The following MET variants were observed in gnomAD, a reference collection of about 807,000 sequenced individuals.
The protein encoded by MET is hepatocyte growth factor receptor.
A neutral mutation model predicts 133.1 loss-of-function variants in MET; 48 were observed. The observed-to-expected ratio is 0.36, with a 90% confidence interval of 0.29 to 0.46. The LOEUF is 0.46. Ranked by LOEUF, MET falls within the 20% of genes least tolerant of loss-of-function variation. The pLI, the probability that MET is intolerant of heterozygous loss-of-function variation, is 1.00. For missense variants in MET, 1,442 were observed against 1,695.9 expected (o/e 0.85, Z 2.63); for synonymous variants, 628 against 616.5 (o/e 1.02, Z -0.28).
At chr7:116,692,677 T>C (rs1040926195) in intron 1 of MET, among the ~76,000 whole-genome samples, 1 of 152,212 alleles carries the variant, frequency 6.6e-6, no homozygotes, top group Admixed American at 6.5e-5. Flanking sequence ...CCATCTTCTT[T>C]AAAGGAAGTA....
chr7:116,696,052 A>G (rs562168351), intron 1 of MET, among the ~76,000 whole-genome samples: 1 of 151,972 alleles, frequency 6.6e-6, no homozygotes, highest in Non-Finnish European at 1.5e-5. Context: ...TTTTTGTAGT[A>G]GAGATGGGGG....
chr7:116,697,671 C>T (rs539893711), intron 1 of MET, among the ~76,000 whole-genome samples: 2 of 152,298 alleles, frequency 1.3e-5, no homozygotes, highest in Non-Finnish European at 2.9e-5. Flanking sequence ...AGGCTCTGTA[C>T]TAGGTACTTG....
At chr7:116,754,854 A>T (rs1422885739) in intron 5 of MET, among the ~76,000 whole-genome samples, 1 of 148,638 alleles carries the variant, frequency 6.7e-6, no homozygotes, top group Admixed American at 6.8e-5. Flanking sequence ...AAAGGAAGGG[A>T]GGGAAAGAAA....
intron 5 of MET, among the ~76,000 whole-genome samples, chr7:116,749,965 A>G (rs1364107048): frequency 6.6e-6 from 1 of 152,224 alleles, no homozygotes; most frequent in Non-Finnish European, 1.5e-5. Flanking sequence ...TTCCATGCTC[A>G]TGGATAGGAA....
At position 116,672,423 on chromosome 7, in the gene MET, G is replaced by T. The variant is rs1361920501; in HGVS notation, c.-169G>T. 5.1e-6 allele frequency: 2 copies of T among 394,070 alleles called. No individual in the cohort carries two copies. The highest frequency in any genetic ancestry group is 7.2e-5 in the East Asian group (2 of 27,802). 24.4% of individuals were successfully genotyped at this position (394,070 alleles called of 1,614,324 possible). ...CCCGGAGGCCCTCGCCGCCCGCGGC[G>T]CCCCGAGCGCTTTGTGAGCAGATGC... On this transcript the variant is annotated 5_prime_UTR_variant, in exon 1 of 21. Coordinates refer to ENST00000397752, the MANE Select transcript of MET (RefSeq NM_000245.4).
At chr7:116,696,037 T>C (rs1287471560) in intron 1 of MET, among the ~76,000 whole-genome samples, 1 of 152,046 alleles carries the variant, frequency 6.6e-6, no homozygotes, top group African/African-American at 2.4e-5. Context: ...CACACCCAGC[T>C]AATTTTTTTG....
rs1584978029 is a variant in MET at position 116,795,763 on chromosome 7, C to A, written c.3907C>A (p.Leu1303Ile). The stretch of plus-strand genomic sequence containing the variant: ...TTACTTGTTGCAAGGGAGAAGACTC[C>A]TACAACCCGAATACTGCCCAGACCC... ...TVYLLQGRRL[L>I]QPEYCPDPLY... The change falls in exon 20 of 21, where the codon CTA becomes ATA. Residue 1303 changes from leucine (L) to isoleucine (I), a missense_variant. Coordinates refer to ENST00000397752, the MANE Select transcript of MET (RefSeq NM_000245.4). The A allele has an allele frequency of 3.1e-6, 5 of 1,614,172 alleles. No homozygotes were observed. Among genetic ancestry groups the A allele is most frequent in the Non-Finnish European group, 4.2e-6 (5 of 1,180,022 alleles).
intron 15 of MET, 77 bp from the exon 16 acceptor site, chr7:116,777,312 C>A: frequency 8.3e-7 from 1 of 1,202,692 alleles, no homozygotes; most frequent in Non-Finnish European, 1.2e-6. Flanking sequence ...TAAAATGAAG[C>A]TCATAAAGGG....
rs527420953 is a variant in MET, at chr7:116,725,461, T to A, written c.1201-6207T>A. ...GTTTTAAAATTTATTTTTCTTATGA[T>A]ATACATATATATATATATATATATA... On this transcript the variant is annotated intron_variant, in intron 2 of 20. Coordinates refer to ENST00000397752, the MANE Select transcript of MET (RefSeq NM_000245.4). Among the ~76,000 whole-genome samples, 269 of 113,204 alleles carry A rather than the reference T, an allele frequency of 2.4e-3. 2 individuals carry two copies. The highest frequency in any genetic ancestry group is 6.9e-3 in the African/African-American group (256 of 37,056). The allele number at this position is 113,204 out of a possible 152,430, so 74.3% of individuals were successfully genotyped here.
intron 1 of MET, among the ~76,000 whole-genome samples, chr7:116,694,146 A>C (rs1188492067): frequency 6.6e-6 from 1 of 152,308 alleles, no homozygotes; most frequent in Middle Eastern, 3.4e-3. Flanking sequence ...TCCTTTCCTT[A>C]GGAAGGACAC....
intron 1 of MET, 38 bp downstream of exon 1, chr7:116,672,615 C>T (rs941039631): frequency 2.9e-5 from 11 of 377,316 alleles, no homozygotes; most frequent in African/African-American, 2.3e-4. Flanking sequence ...GTACCCAATC[C>T]CTCGCCTCAG....
At chr7:116,686,926 AG>A (rs1421828891) in intron 1 of MET, among the ~76,000 whole-genome samples, 2 of 152,198 alleles carry the variant, frequency 1.3e-5, no homozygotes, top group African/African-American at 4.8e-5. Context: ...ACACAGCTCA[AG>A]TAGTATCCCC....
chr7:116,716,521 G>GAA lies in MET; in HGVS notation c.1201-15145_1201-15144dup, dbSNP rs1246189397. Reference sequence around the variant, plus strand: ...AGAAAGAAAGAAAGAAAGAAAGAAAGAAAGAAAGAAAGAAAGAAGATATGA... The same window carrying GAA: ...AGAAAGAAAGAAAGAAAGAAAGAAAGAAAAAGAAAGAAAGAAAGAAGATATGA... On this transcript the variant is annotated intron_variant, in intron 2 of 20. Transcript: ENST00000397752. 1.3e-4 allele frequency among the ~76,000 whole-genome samples: 20 copies of GAA among 148,618 alleles called. 1 individual carries two copies. In the South Asian group the frequency reaches 4.1e-3, roughly 30 times the overall value.
chr7:116,673,242 C>T (rs1008531717), intron 1 of MET, among the ~76,000 whole-genome samples: 3 of 152,168 alleles, frequency 2.0e-5, no homozygotes. Flanking sequence ...GAATTTACTC[C>T]GAAGTACGGT....
intron 3 of MET, among the ~76,000 whole-genome samples, chr7:116,737,582 AT>A (rs374967407): frequency 1.3e-5 from 2 of 151,910 alleles, no homozygotes; most frequent in South Asian, 2.1e-4. Context: ...TCTATGTTGT[AT>A]TTTTTTTAAG....
At chr7:116,763,490 T>G (rs1252048626) in intron 11 of MET, among the ~76,000 whole-genome samples, 1 of 152,204 alleles carries the variant, frequency 6.6e-6, no homozygotes, top group Non-Finnish European at 1.5e-5. Flanking sequence ...GTGTATGTAT[T>G]AAAACGTAGC....
At chr7:116,792,599 G>A (rs1795543527) in intron 19 of MET, among the ~76,000 whole-genome samples, 2 of 151,954 alleles carry the variant, frequency 1.3e-5, no homozygotes, top group African/African-American at 2.4e-5. Context: ...TGCTTTCAGG[G>A]GAGTGTGGAG....
intron 1 of MET, among the ~76,000 whole-genome samples, chr7:116,681,235 T>C (rs1796346948): frequency 6.6e-6 from 1 of 152,204 alleles, no homozygotes; most frequent in Non-Finnish European, 1.5e-5. Context: ...AGGCATGTTC[T>C]AAGCACTCTG....
rs2116579182 is a variant in MET, at chr7:116,699,143, A to G, written c.59A>G (p.Gln20Arg). 6.2e-7 allele frequency: 1 copy of G among 1,613,888 alleles called. No individual in the cohort carries two copies. The highest frequency in any genetic ancestry group is 8.5e-7 in the Non-Finnish European group (1 of 1,179,882). The change falls in exon 2 of 21, where the codon CAG becomes CGG. Residue 20 changes from glutamine to arginine, a missense_variant. By Grantham distance (43) the Gln-to-Arg change is conservative (BLOSUM62 1). Transcript: ENST00000397752. ...CTCGTGCTCCTGTTTACCTTGGTGCAGAGGAGCAATGGGGAGTGTAAAGAG... is the reference window on the plus strand; with the variant it reads ...CTCGTGCTCCTGTTTACCTTGGTGCGGAGGAGCAATGGGGAGTGTAAAGAG... ...GILVLLFTLV[Q>R]RSNGECKEAL...
Sources: allele counts gnomAD v4.1 joint callset (sites outside exome capture counted in the v4.1 genomes callset), GRCh38; gene constraint gnomAD v4.1.1; transcripts MANE v1.5; gene names NCBI Gene and HGNC (gene_info 2026-07-23, HGNC 2026-07-21).